The following NEK7 variants were observed in gnomAD, a reference collection of about 807,000 sequenced individuals.
The protein encoded by NEK7 is serine/threonine-protein kinase Nek7.
NEK7 carries 18 observed loss-of-function variants against 44.6 expected under a neutral mutation model. The observed-to-expected ratio is 0.40, with a 90% confidence interval of 0.28 to 0.60. The LOEUF is 0.60. Among genes scored for constraint, NEK7 ranks in the 20% least tolerant of loss-of-function variants. NEK7 has a pLI of 0.38. For synonymous variants in NEK7, 130 were observed against 121.1 expected (o/e 1.07, Z -0.48); for missense variants, 256 against 366.5 (o/e 0.70, Z 2.46).
intron 5 of NEK7, among the ~76,000 whole-genome samples, chr1:198,266,723 T>C (rs183729836): frequency 1.8e-4 from 28 of 152,212 alleles, no homozygotes; most frequent in African/African-American, 6.7e-4. Flanking sequence ...ATATAATATA[T>C]AGTATGTTTA....
rs937674882 is a variant in NEK7, at chr1:198,159,856, A to T, written c.-29+2580A>T. Among the ~76,000 whole-genome samples, 6 of 151,656 alleles carry T rather than the reference A, an allele frequency of 4.0e-5. No homozygotes were observed. The East Asian group carries it at 5.8e-4, about 15-fold the overall frequency. ...GCTAACATACCTGATTAATAAATTT[A>T]AAAAAAAATTGCATCGTAATGACCA... On this transcript the variant is annotated intron_variant, in intron 1 of 9. Transcript: ENST00000367385.
chr1:198,243,185 T>G (rs1666738624), intron 2 of NEK7, among the ~76,000 whole-genome samples: 1 of 152,248 alleles, frequency 6.6e-6, no homozygotes, highest in East Asian at 1.9e-4. Flanking sequence ...AGATCATCCC[T>G]AAATTAACCA....
intron 1 of NEK7, among the ~76,000 whole-genome samples, chr1:198,188,949 C>T (rs927950280): frequency 2.0e-5 from 3 of 152,128 alleles, no homozygotes; most frequent in Non-Finnish European, 4.4e-5. Context: ...CATTGAACCT[C>T]ATCTGTTTTC....
At chr1:198,312,596 A>G (rs1387458019) in intron 9 of NEK7, among the ~76,000 whole-genome samples, 12 of 151,782 alleles carry the variant, frequency 7.9e-5, no homozygotes, top group Admixed American at 4.6e-4. Flanking sequence ...ATTGCCCTCT[A>G]CACACTGCTT....
In NEK7 at chr1:198,204,545, C is replaced by G. The variant is rs529077500; in HGVS notation, c.-28-28008C>G. On this transcript the variant is annotated intron_variant, in intron 1 of 9. Coordinates refer to ENST00000367385, the MANE Select transcript of NEK7 (RefSeq NM_133494.3). The stretch of plus-strand genomic sequence containing the variant: ...CCATCCTGGCTAACACGGTGAAACC[C>G]TGTCTCTACTAAAAATACAAAAAAT... Among the ~76,000 whole-genome samples, 352 of 151,950 alleles carry G rather than the reference C, an allele frequency of 2.3e-3. 2 individuals are homozygous for G. The highest frequency in any genetic ancestry group is 6.9e-3 in the South Asian group (33 of 4,812).
chr1:198,197,088 T>C (rs1447998284), intron 1 of NEK7, among the ~76,000 whole-genome samples: 1 of 152,228 alleles, frequency 6.6e-6, no homozygotes, highest in Non-Finnish European at 1.5e-5. Context: ...ATATGAGGTA[T>C]ATAAGGTACT....
At chr1:198,256,287 A>G (rs1382712326) in intron 3 of NEK7, 6 of 1,527,932 alleles carry the variant, frequency 3.9e-6, no homozygotes, top group African/African-American at 2.8e-5. Flanking sequence ...ATTCAGGGCT[A>G]TTAACAAAGG....
At chr1:198,286,559 T>C (rs1654377068) in intron 7 of NEK7, among the ~76,000 whole-genome samples, 1 of 151,956 alleles carries the variant, frequency 6.6e-6, no homozygotes, top group South Asian at 2.1e-4. Flanking sequence ...CATTAACACG[T>C]TTGTATTTAT....
At chr1:198,179,376 A>T (rs1193746187) in intron 1 of NEK7, among the ~76,000 whole-genome samples, 2 of 152,106 alleles carry the variant, frequency 1.3e-5, no homozygotes, top group Admixed American at 6.6e-5. Context: ...ATTCTTCATT[A>T]TGGGCCTTTA....
chr1:198,167,625 G>C (rs768128688), intron 1 of NEK7, among the ~76,000 whole-genome samples: 7 of 152,058 alleles, frequency 4.6e-5, no homozygotes, highest in Non-Finnish European at 7.4e-5. Context: ...CTCTCAACTG[G>C]GTGTGAAAGC....
At chr1:198,197,701 C>T in intron 1 of NEK7, 1 of 493,576 alleles carries the variant, frequency 2.0e-6, no homozygotes, top group Non-Finnish European at 3.8e-6. Flanking sequence ...GCTACTTTCC[C>T]CTGGTACAAT....
intron 1 of NEK7, among the ~76,000 whole-genome samples, chr1:198,224,699 T>C (rs1272089381): frequency 1.3e-5 from 2 of 152,028 alleles, no homozygotes; most frequent in Non-Finnish European, 2.9e-5. Flanking sequence ...TAAATTAGTA[T>C]GTATTTTTAA....
At chr1:198,309,256 A>G (rs555313521) in intron 9 of NEK7, among the ~76,000 whole-genome samples, 1 of 152,158 alleles carries the variant, frequency 6.6e-6, no homozygotes, top group Admixed American at 6.5e-5. Flanking sequence ...AGCAGCATAA[A>G]CAAAGATATA....
At chr1:198,262,941 C>T (rs1463916427) in intron 4 of NEK7, among the ~76,000 whole-genome samples, 1 of 151,516 alleles carries the variant, frequency 6.6e-6, no homozygotes, top group East Asian at 1.9e-4. Context: ...AAGACATATT[C>T]TAAAGGTTAA....
chr1:198,203,558 A>T (rs573264717), intron 1 of NEK7, among the ~76,000 whole-genome samples: 1 of 152,366 alleles, frequency 6.6e-6, no homozygotes. Context: ...TCTATTCCAG[A>T]GAAGGGAAGC....
intron 9 of NEK7, among the ~76,000 whole-genome samples, chr1:198,313,767 C>G (rs1655263837): frequency 6.9e-6 from 1 of 145,012 alleles, no homozygotes; most frequent in Non-Finnish European, 1.5e-5. Flanking sequence ...GAATATTGGC[C>G]CCACTCTCTT....
chr1:198,163,216 G>A (rs545281404), intron 1 of NEK7, among the ~76,000 whole-genome samples: 4 of 152,144 alleles, frequency 2.6e-5, no homozygotes, highest in East Asian at 1.9e-4. Context: ...ATATGATACC[G>A]GCACAGTGGC....
chr1:198,228,308 T>A (rs1387321909), intron 1 of NEK7, among the ~76,000 whole-genome samples: 1 of 152,190 alleles, frequency 6.6e-6, no homozygotes, highest in Non-Finnish European at 1.5e-5. Context: ...GTGTGATGCC[T>A]CCAGTTTTGT....
In NEK7 at chr1:198,272,758, C is replaced by CCATTCTTTTT. The variant is rs547345831; in HGVS notation, c.373-5202_373-5193dup. Among the ~76,000 whole-genome samples the CCATTCTTTTT allele has an allele frequency of 4.2e-3, 622 of 146,762 alleles. 7 individuals carry two copies. Among genetic ancestry groups the CCATTCTTTTT allele is most frequent in the Non-Finnish European group, 6.3e-3 (407 of 64,716 alleles). Reference sequence around the variant, plus strand: ...TATTCACATGGCAGCAATGCAGGGACCATTCTTTTTAGTAATTCTGATGCA... The same window carrying CCATTCTTTTT: ...TATTCACATGGCAGCAATGCAGGGACCATTCTTTTTCATTCTTTTTAGTAATTCTGATGCA... On this transcript the variant is annotated intron_variant, in intron 5 of 9. Transcript: ENST00000367385.
Sources: allele counts gnomAD v4.1 joint callset (sites outside exome capture counted in the v4.1 genomes callset), GRCh38; gene constraint gnomAD v4.1.1; transcripts MANE v1.5; gene names NCBI Gene and HGNC (gene_info 2026-07-23, HGNC 2026-07-21).